The following LGSN variants were observed in gnomAD, a reference collection of about 807,000 sequenced individuals.
LGSN encodes the protein lengsin, lens protein with glutamine synthetase domain.
In LGSN, 21 loss-of-function variants were observed where a neutral mutation model predicts 19.5. The ratio of observed to expected loss-of-function variants is 1.07; its 90% CI spans 0.76 to 1.55. LGSN has a LOEUF of 1.55. Among genes scored for constraint, LGSN ranks in the 40% most tolerant of loss-of-function variants. LGSN has a pLI of 0.00. For synonymous variants in LGSN, 257 were observed against 215.6 expected (o/e 1.19, Z -1.68); for missense variants, 673 against 608.5 (o/e 1.11, Z -1.12).
At chr6:63,371,596 C>T in the LGSN span, among the ~76,000 whole-genome samples, 2 of 152,178 alleles carry the variant, frequency 1.3e-5, no homozygotes, top group East Asian at 1.9e-4. Context: ...GAAAGGAAGT[C>T]GTAATTCTGT....
At chr6:63,483,538 T>C in the LGSN span, among the ~76,000 whole-genome samples, 1 of 151,836 alleles carries the variant, frequency 6.6e-6, no homozygotes, top group Non-Finnish European at 1.5e-5. Flanking sequence ...GCTAATTTTT[T>C]TGTGTGTTTT....
upstream of LGSN, among the ~76,000 whole-genome samples, chr6:63,324,172 A>G (rs376357259): frequency 1.3e-5 from 2 of 152,190 alleles, no homozygotes; most frequent in Non-Finnish European, 2.9e-5. Flanking sequence ...GAGTCTTACC[A>G]TTACTGTGAA....
chr6:63,439,028 A>C, the LGSN span, among the ~76,000 whole-genome samples: 33 of 152,374 alleles, frequency 2.2e-4, no homozygotes, highest in South Asian at 1.9e-3. Flanking sequence ...GCAGCCATCA[A>C]AAATGATGAG....
chr6:63,537,418 A>G, the LGSN span, among the ~76,000 whole-genome samples: 93 of 152,296 alleles, frequency 6.1e-4, no homozygotes, highest in Non-Finnish European at 1.2e-3. Context: ...TTCAACACCA[A>G]TGCCCAGGCC....
At chr6:63,443,332 C>T in the LGSN span, 1 of 153,590 alleles carries the variant, frequency 6.5e-6, no homozygotes, top group African/African-American at 2.4e-5. Flanking sequence ...TTCCACACCT[C>T]CCTGCACGCA....
the LGSN span, among the ~76,000 whole-genome samples, chr6:63,479,840 A>G: frequency 6.6e-6 from 1 of 152,220 alleles, no homozygotes; most frequent in Non-Finnish European, 1.5e-5. Flanking sequence ...ATACTTACAA[A>G]GTCTAAATCA....
the LGSN span, among the ~76,000 whole-genome samples, chr6:63,363,885 G>C: frequency 6.6e-6 from 1 of 151,956 alleles, no homozygotes; most frequent in Non-Finnish European, 1.5e-5. Flanking sequence ...GCAACTCCAA[G>C]ACACAATTGT....
At position 63,300,309 on chromosome 6, in the gene LGSN, G is replaced by A. The variant is rs190749839; in HGVS notation, c.31-5264C>T. ...CCTAGGTGCCACTCAGGACATTAGG[G>A]AGAATACCTACGTTATTTTTTCAAA... On this transcript the variant is annotated intron_variant, in intron 1 of 3. Coordinates refer to ENST00000370657, the MANE Select transcript of LGSN (RefSeq NM_016571.3). Among the ~76,000 whole-genome samples, 18 of 152,328 alleles carry A rather than the reference G, an allele frequency of 1.2e-4. No individual in the cohort carries two copies. In the East Asian group the frequency reaches 2.9e-3, roughly 24 times the overall value.
the LGSN span, among the ~76,000 whole-genome samples, chr6:63,478,175 A>T: frequency 6.6e-6 from 1 of 152,204 alleles, no homozygotes. Context: ...CCTAAATTTG[A>T]AGAGTTCCAG....
chr6:63,456,119 A>G, the LGSN span, among the ~76,000 whole-genome samples: 1 of 149,346 alleles, frequency 6.7e-6, no homozygotes, highest in South Asian at 2.1e-4. Context: ...AATCCCAGCT[A>G]CCTGGGAGGC....
At chr6:63,308,724 C>T (rs961412836) in intron 1 of LGSN, among the ~76,000 whole-genome samples, 1 of 151,734 alleles carries the variant, frequency 6.6e-6, no homozygotes, top group South Asian at 2.1e-4. Context: ...TGCATGAAAA[C>T]GCAAACAAGC....
chr6:63,417,141 C>G, the LGSN span, among the ~76,000 whole-genome samples: 1 of 152,142 alleles, frequency 6.6e-6, no homozygotes, highest in East Asian at 1.9e-4. Flanking sequence ...AGACTACAGG[C>G]TGGAGGAAGA....
chr6:63,292,715 A>G (rs1031649811), intron 2 of LGSN, among the ~76,000 whole-genome samples: 1 of 152,216 alleles, frequency 6.6e-6, no homozygotes, highest in Non-Finnish European at 1.5e-5. Flanking sequence ...CTAAGAAAGG[A>G]CAAGTGAACA....
At chr6:63,514,598 G>A in the LGSN span, among the ~76,000 whole-genome samples, 53 of 152,340 alleles carry the variant, frequency 3.5e-4, no homozygotes, top group Non-Finnish European at 6.0e-4. Context: ...ACAATGAAAT[G>A]TCTATTGACT....
At chr6:63,412,725 A>AGG in the LGSN span, among the ~76,000 whole-genome samples, 19 of 38,774 alleles carry the variant, frequency 4.9e-4, no homozygotes, top group African/African-American at 3.4e-3. Context: ...GAAGGAAAGA[A>AGG]AGAAAGAAAG....
chr6:63,318,178 T>C (rs1582054899), intron 1 of LGSN, among the ~76,000 whole-genome samples: 1 of 152,202 alleles, frequency 6.6e-6, no homozygotes, highest in Non-Finnish European at 1.5e-5. Context: ...TAATAACTGT[T>C]CATTTTACTG....
At chr6:63,504,080 C>A in the LGSN span, among the ~76,000 whole-genome samples, 8 of 151,866 alleles carry the variant, frequency 5.3e-5, no homozygotes, top group Non-Finnish European at 1.2e-4. Flanking sequence ...CTCAATACAC[C>A]ATCCTTAACC....
the LGSN span, among the ~76,000 whole-genome samples, chr6:63,446,321 T>G: frequency 2.1e-5 from 3 of 145,146 alleles, no homozygotes; most frequent in African/African-American, 7.6e-5. Context: ...TGCCTCCCCA[T>G]CACTCTGCCC....
chr6:63,412,919 AAAGGAAGG>A, the LGSN span, among the ~76,000 whole-genome samples: 2 of 151,086 alleles, frequency 1.3e-5, no homozygotes, highest in South Asian at 2.1e-4. Context: ...AGGAAGGAAG[AAAGGAAGG>A]AAGGAAGAAA....
Sources: allele counts gnomAD v4.1 joint callset (sites outside exome capture counted in the v4.1 genomes callset), GRCh38; gene constraint gnomAD v4.1.1; transcripts MANE v1.5; gene names NCBI Gene and HGNC (gene_info 2026-07-23, HGNC 2026-07-21).